SPATA16: variants seen among roughly 807,000 people sequenced by gnomAD.
The protein encoded by SPATA16 is spermatogenesis-associated protein 16.
In SPATA16, 36 loss-of-function variants were observed where a neutral mutation model predicts 63.3. The ratio of observed to expected loss-of-function variants is 0.57; its 90% CI spans 0.44 to 0.75. The LOEUF is 0.75. Ranked by LOEUF, SPATA16 falls within the 30% of genes least tolerant of loss-of-function variation. The probability of loss-of-function intolerance (pLI) is 0.00; values close to 1 mark genes in which losing one functional copy is unlikely to be tolerated. For missense variants in SPATA16, 646 were observed against 679.3 expected, an observed-to-expected ratio of 0.95 and a Z score of 0.54; for synonymous variants, 203 against 216.7, an observed-to-expected ratio of 0.94 and a Z score of 0.56.
At chr3:172,905,709 A>G (rs1464838452) in intron 10 of SPATA16, among the ~76,000 whole-genome samples, 2 of 152,200 alleles carry the variant, frequency 1.3e-5, no homozygotes, top group East Asian at 3.8e-4. Flanking sequence ...TTTTGAGGTT[A>G]AAAAGGAACA....
chr3:173,061,473 T>C (rs759240683), intron 2 of SPATA16, among the ~76,000 whole-genome samples: 1 of 152,218 alleles, frequency 6.6e-6, no homozygotes, highest in Non-Finnish European at 1.5e-5. Context: ...AAAAATCTCT[T>C]CCCTTGGGTT....
chr3:172,935,413 G>A (rs554151851), intron 6 of SPATA16, among the ~76,000 whole-genome samples: 120 of 152,272 alleles, frequency 7.9e-4, no homozygotes, highest in African/African-American at 2.8e-3. Flanking sequence ...GCAGTATATT[G>A]TAAACAATGG....
intron 6 of SPATA16, among the ~76,000 whole-genome samples, chr3:172,951,739 G>A (rs562719585): frequency 9.8e-4 from 149 of 152,246 alleles, no homozygotes; most frequent in Middle Eastern, 3.4e-3. Context: ...CAATAAACTC[G>A]ACACTATCTA....
chr3:173,039,597 GAAC>G (rs1310326842), intron 3 of SPATA16, among the ~76,000 whole-genome samples: 1 of 151,954 alleles, frequency 6.6e-6, no homozygotes, highest in Non-Finnish European at 1.5e-5. Context: ...GAATAAATGG[GAAC>G]AATAAATGCC....
intron 10 of SPATA16, among the ~76,000 whole-genome samples, chr3:172,901,945 G>A (rs1732134664): frequency 6.6e-6 from 1 of 152,188 alleles, no homozygotes; most frequent in Admixed American, 6.5e-5. Context: ...GGAAGGAAAA[G>A]GGGAGATTTA....
intron 2 of SPATA16, among the ~76,000 whole-genome samples, chr3:173,105,376 C>G (rs1018135153): frequency 2.0e-5 from 3 of 152,158 alleles, no homozygotes; most frequent in African/African-American, 7.2e-5. Flanking sequence ...AGACCCTTGA[C>G]AGTCAAACAG....
chr3:172,920,171 C>T (rs1013508143), intron 8 of SPATA16, among the ~76,000 whole-genome samples: 12 of 152,314 alleles, frequency 7.9e-5, no homozygotes, highest in South Asian at 4.1e-4. Context: ...GCTGTGTGAA[C>T]TTGAATATAT....
intron 3 of SPATA16, among the ~76,000 whole-genome samples, chr3:173,044,454 T>C (rs1735912866): frequency 2.0e-5 from 3 of 152,182 alleles, no homozygotes; most frequent in South Asian, 4.1e-4. Context: ...GTTCTTCCCA[T>C]AGCTTCTGTT....
chr3:173,011,339 AG>A (rs2108271927), intron 4 of SPATA16, among the ~76,000 whole-genome samples: 1 of 152,312 alleles, frequency 6.6e-6, no homozygotes, highest in Admixed American at 6.5e-5. Context: ...ACACAGAAAA[AG>A]CTTCCAATAA....
chr3:173,012,778 C>G (rs562491939), intron 4 of SPATA16, among the ~76,000 whole-genome samples: 1 of 152,274 alleles, frequency 6.6e-6, no homozygotes, highest in African/African-American at 2.4e-5. Context: ...AAAATTAACT[C>G]AAGATGGATT....
intron 2 of SPATA16, among the ~76,000 whole-genome samples, chr3:173,064,036 G>T (rs1369464978): frequency 6.6e-6 from 1 of 152,202 alleles, no homozygotes. Flanking sequence ...GCTGGGTGCA[G>T]TGGCTCATGC....
intron 6 of SPATA16, among the ~76,000 whole-genome samples, chr3:172,933,953 T>C (rs1164560790): frequency 6.6e-6 from 1 of 152,140 alleles, no homozygotes; most frequent in African/African-American, 2.4e-5. Context: ...AGTTGGGGGA[T>C]TTGGAATTAT....
intron 2 of SPATA16, among the ~76,000 whole-genome samples, chr3:173,084,527 A>T (rs1209859897): frequency 6.6e-6 from 1 of 151,974 alleles, no homozygotes; most frequent in Non-Finnish European, 1.5e-5. Flanking sequence ...GTTTAATTAG[A>T]TCCCATTTGT....
At chr3:173,036,388 G>A (rs946341125) in intron 3 of SPATA16, among the ~76,000 whole-genome samples, 4 of 151,894 alleles carry the variant, frequency 2.6e-5, no homozygotes, top group African/African-American at 4.8e-5. Flanking sequence ...TGATGAGGTC[G>A]GTGATATTAA....
chr3:173,102,441 G>A (rs772363909), intron 2 of SPATA16, among the ~76,000 whole-genome samples: 7 of 152,184 alleles, frequency 4.6e-5, no homozygotes, highest in Non-Finnish European at 8.8e-5. Flanking sequence ...TTCTGGTGAG[G>A]CCTCAGGGTG....
intron 4 of SPATA16, among the ~76,000 whole-genome samples, chr3:173,009,022 G>A (rs1197461697): frequency 6.6e-6 from 1 of 152,106 alleles, no homozygotes; most frequent in Non-Finnish European, 1.5e-5. Flanking sequence ...TTGGTCACAT[G>A]GTAAATTGAT....
chr3:172,996,708 T>C (rs1734700784), intron 4 of SPATA16, among the ~76,000 whole-genome samples: 1 of 152,166 alleles, frequency 6.6e-6, no homozygotes, highest in African/African-American at 2.4e-5. Context: ...ATACATTCTA[T>C]GGGCTTTGAC....
intron 5 of SPATA16, among the ~76,000 whole-genome samples, chr3:172,962,064 C>T (rs2108239946): frequency 6.6e-6 from 1 of 152,032 alleles, no homozygotes; most frequent in East Asian, 1.9e-4. Flanking sequence ...ACCAGCATGG[C>T]CAACATGGTG....
At chr3:172,962,910 T>A (rs1317910692) in intron 5 of SPATA16, among the ~76,000 whole-genome samples, 6 of 152,136 alleles carry the variant, frequency 3.9e-5, no homozygotes, top group East Asian at 1.9e-4. Context: ...ATTCAATTTT[T>A]AAAATATACA....
Sources: allele counts gnomAD v4.1 joint callset (sites outside exome capture counted in the v4.1 genomes callset), GRCh38; gene constraint gnomAD v4.1.1; transcripts MANE v1.5; gene names NCBI Gene and HGNC (gene_info 2026-07-23, HGNC 2026-07-21).